MASP1: variants seen among roughly 807,000 people sequenced by gnomAD.
The protein encoded by MASP1 is MBL associated serine protease 1.
Under a neutral mutation model 77.1 loss-of-function variants are expected in MASP1, and 59 were observed. The ratio of observed to expected loss-of-function variants is 0.77; its 90% CI spans 0.62 to 0.95. MASP1 has a LOEUF of 0.95. MASP1 is among the 40% of genes least tolerant of loss of function. The pLI is 0.00. For missense variants in MASP1, 885 were observed against 912.9 expected (o/e 0.97, Z 0.39); for synonymous variants, 362 against 354.5 (o/e 1.02, Z -0.24).
chr3:187,249,587 A>T (rs984242252), intron 8 of MASP1, among the ~76,000 whole-genome samples: 1 of 152,256 alleles, frequency 6.6e-6, no homozygotes, highest in Non-Finnish European at 1.5e-5. Context: ...TACAAAGCTC[A>T]GTAGATGATT....
At chr3:187,242,428 C>T (rs1713725146) in intron 9 of MASP1, 1 of 152,296 alleles carries the variant, frequency 6.6e-6, no homozygotes, top group South Asian at 2.1e-4. Flanking sequence ...GAGAGAATTG[C>T]TTGAACCCAG....
At chr3:187,228,469 C>G (rs989832992) in intron 11 of MASP1, among the ~76,000 whole-genome samples, 4 of 152,202 alleles carry the variant, frequency 2.6e-5, no homozygotes, top group African/African-American at 4.8e-5. Context: ...CTCCAACTTC[C>G]CTTCAGGTCC....
At position 187,251,893 on chromosome 3, in the gene MASP1, C is replaced by A. The variant is rs574817360; in HGVS notation, c.893-141G>T. On this transcript the variant is annotated intron_variant, in intron 6 of 10. Transcript: ENST00000296280. Reference sequence around the variant, plus strand: ...GGAGGCATGGATCTTCCAAGCCCTGCAAGAGACTAATTCTGGAACCGTGAA... The same window carrying A: ...GGAGGCATGGATCTTCCAAGCCCTGAAAGAGACTAATTCTGGAACCGTGAA... 1.1e-5 allele frequency: 8 copies of A among 725,526 alleles called. No individual in the cohort carries two copies. The South Asian group carries it at 1.2e-4, about 11-fold the overall frequency. The allele number at this position is 725,526 out of a possible 1,614,324, so 44.9% of individuals were successfully genotyped here. A position where few individuals can be genotyped will look rare whatever the true frequency, so the allele number is the denominator to read the frequency against.
At chr3:187,268,763 A>G (rs991610947) in intron 2 of MASP1, among the ~76,000 whole-genome samples, 4 of 152,148 alleles carry the variant, frequency 2.6e-5, no homozygotes, top group Admixed American at 6.5e-5. Flanking sequence ...AAAACAGTTT[A>G]TCCACTAGTA....
downstream of MASP1, among the ~76,000 whole-genome samples, chr3:187,233,428 G>A (rs1416826690): frequency 6.6e-6 from 1 of 152,034 alleles, no homozygotes; most frequent in Non-Finnish European, 1.5e-5. Flanking sequence ...CACATCCTTT[G>A]AAGCCTCTGC....
At position 187,269,424 on chromosome 3, in the gene MASP1, G is replaced by C. The variant is rs113575145; in HGVS notation, c.238-6704C>G. Reference sequence around the variant, plus strand: ...AATGAAAAGAGGCTCCTGAGCCTCAGGTTTCTATGTACAGAAAGCGAACTG... The same window carrying C: ...AATGAAAAGAGGCTCCTGAGCCTCACGTTTCTATGTACAGAAAGCGAACTG... On this transcript the variant is annotated intron_variant, in intron 2 of 10. Transcript: ENST00000296280. Among the ~76,000 whole-genome samples the C allele has an allele frequency of 4.6e-3, 694 of 152,298 alleles. 8 individuals are homozygous for C. Among genetic ancestry groups the C allele is most frequent in the African/African-American group, 0.016 (665 of 41,558 alleles).
rs574373898 is a variant in MASP1, at chr3:187,280,845, T to C, written c.237+4980A>G. Among the ~76,000 whole-genome samples the C allele has an allele frequency of 2.6e-5, 4 of 152,368 alleles. No homozygotes were observed. In the East Asian group the frequency reaches 5.8e-4, roughly 22 times the overall value. On this transcript the variant is annotated intron_variant, in intron 2 of 10. Transcript: ENST00000296280. ...TGTTGGCCAATCAACTGCCCTTCCC[T>C]GGACTTTGGACATGTTGATCATGGG...
At chr3:187,256,904 C>T (rs2108552590) in intron 4 of MASP1, 44 bp from the exon 5 acceptor site, 2 of 1,547,226 alleles carry the variant, frequency 1.3e-6, no homozygotes, top group South Asian at 2.2e-5. Flanking sequence ...GCAACCACAG[C>T]CATAGCAAGC....
At chr3:187,243,338 A>C in intron 9 of MASP1, 146 bp downstream of exon 9, 1 of 813,010 alleles carries the variant, frequency 1.2e-6, no homozygotes, top group South Asian at 1.4e-5. Flanking sequence ...TGAGAACCTG[A>C]GATGTGTGAG....
intron 7 of MASP1, among the ~76,000 whole-genome samples, 167 bp from the exon 8 acceptor site, chr3:187,250,496 C>A (rs1714483795): frequency 6.6e-6 from 1 of 152,132 alleles, no homozygotes; most frequent in Non-Finnish European, 1.5e-5. Flanking sequence ...AAGATACATG[C>A]TGAATTCATA....
At chr3:187,248,627 C>G (rs867601326) in intron 8 of MASP1, among the ~76,000 whole-genome samples, 3 of 152,144 alleles carry the variant, frequency 2.0e-5, no homozygotes, top group Non-Finnish European at 2.9e-5. Flanking sequence ...CACTGCACCT[C>G]GAGCCTCAGA....
intron 6 of MASP1, 114 bp downstream of exon 6, chr3:187,253,054 G>C: frequency 1.4e-6 from 2 of 1,385,794 alleles, no homozygotes; most frequent in South Asian, 2.4e-5. Flanking sequence ...GCTCAACTGG[G>C]AGTCCCATCA....
chr3:187,235,815 A>G lies in MASP1; in HGVS notation c.2056T>C (p.Trp686Arg). Residue 686 changes from tryptophan to arginine, a missense_variant, in exon 11 of 11, where the codon TGG (tryptophan) becomes CGG (arginine). Coordinates refer to ENST00000296280, the MANE Select transcript of MASP1 (RefSeq NM_139125.4). ...QRWVVQGLVS[W>R]GGPEECGSKQ... ...CTGCCGCATTCTTCAGGTCCCCCCC[A>G]GGACACCAGGCCTTGCACCACCCAG... 6.2e-7 allele frequency: 1 copy of G among 1,614,154 alleles called. No individual in the cohort carries two copies. Among genetic ancestry groups the G allele is most frequent in the Non-Finnish European group, 8.5e-7 (1 of 1,180,018 alleles).
At position 187,247,259 on chromosome 3, in the gene MASP1, G is replaced by T. The variant is rs1196796068; in HGVS notation, c.1090+2992C>A. 5.0e-6 allele frequency: 8 copies of T among 1,612,926 alleles called. No individual in the cohort carries two copies. The East Asian group carries it at 1.6e-4, about 31-fold the overall frequency. The stretch of plus-strand genomic sequence containing the variant: ...GGGGGTGTTGTGGGTGGGGAGGGGT[G>T]GTGCAGCTCTGGGCCCCAGGGGTCT... On this transcript the variant is annotated intron_variant, in intron 8 of 10. Coordinates refer to ENST00000296280, the MANE Select transcript of MASP1 (RefSeq NM_139125.4).
chr3:187,221,533 T>A (rs1018893884), intron 14 of MASP1, among the ~76,000 whole-genome samples: 2 of 152,230 alleles, frequency 1.3e-5, no homozygotes, highest in Non-Finnish European at 2.9e-5. Flanking sequence ...GGCTTACTCA[T>A]TGTTTTTCAG....
At chr3:187,260,942 G>C in intron 3 of MASP1, 70 bp from the exon 4 acceptor site, 1 of 1,574,936 alleles carries the variant, frequency 6.3e-7, no homozygotes, top group Non-Finnish European at 8.7e-7. Context: ...CATTTATAGA[G>C]CACTTGATAT....
In MASP1 at chr3:187,245,116, T is replaced by C. The variant is rs569981958; in HGVS notation, c.1091-1495A>G. The stretch of plus-strand genomic sequence containing the variant: ...CTGGACAAATCATCTCCATTTGTTT[T>C]GATGATCCAAAAGTACAGATGCTCT... On this transcript the variant is annotated intron_variant, in intron 8 of 10. Transcript: ENST00000296280. 5 of 152,358 alleles carry C rather than the reference T, an allele frequency of 3.3e-5. No homozygotes were observed. The South Asian group carries it at 8.3e-4, about 25-fold the overall frequency. 9.4% of individuals were successfully genotyped at this position (152,358 alleles called of 1,614,324 possible).
intron 1 of MASP1, among the ~76,000 whole-genome samples, chr3:187,288,128 C>A (rs1718003163): frequency 6.6e-6 from 1 of 152,078 alleles, no homozygotes; most frequent in African/African-American, 2.4e-5. Flanking sequence ...TAATTTTTTT[C>A]AAGGTCCCTA....
intron 5 of MASP1, among the ~76,000 whole-genome samples, chr3:187,254,713 G>A (rs2108547806): frequency 6.6e-6 from 1 of 152,248 alleles, no homozygotes. Context: ...GCAGGAGGGA[G>A]GTGATGAGTT....
Sources: allele counts gnomAD v4.1 joint callset (sites outside exome capture counted in the v4.1 genomes callset), GRCh38; gene constraint gnomAD v4.1.1; transcripts MANE v1.5; gene names NCBI Gene and HGNC (gene_info 2026-07-23, HGNC 2026-07-21).